ROBO1: variants seen among roughly 807,000 people sequenced by gnomAD.
The protein encoded by ROBO1 is roundabout homolog 1.
A neutral mutation model predicts 195.9 loss-of-function variants in ROBO1; 149 were observed. The ratio of observed to expected loss-of-function variants is 0.76; its 90% CI spans 0.67 to 0.87. The LOEUF (loss-of-function observed/expected upper bound fraction) is 0.87. Among genes scored for constraint, ROBO1 ranks in the 40% least tolerant of loss-of-function variants. The pLI is 0.00. For synonymous variants in ROBO1, 816 were observed against 733.2 expected (o/e 1.11, Z -1.82); for missense variants, 1,933 against 2,068.3 (o/e 0.93, Z 1.27).
At chr3:79,002,721 C>T (rs989537606) in intron 3 of ROBO1, among the ~76,000 whole-genome samples, 1 of 152,058 alleles carries the variant, frequency 6.6e-6, no homozygotes, top group Non-Finnish European at 1.5e-5. Flanking sequence ...TTAATACTTT[C>T]AATTTCATCT....
At chr3:78,807,712 C>A (rs1021493809) in intron 4 of ROBO1, among the ~76,000 whole-genome samples, 28 of 152,130 alleles carry the variant, frequency 1.8e-4, no homozygotes, top group African/African-American at 6.5e-4. Context: ...TGGTTGCATC[C>A]TTTTAACTTT....
At chr3:79,754,910 C>T (rs1704307844) in intron 1 of ROBO1, among the ~76,000 whole-genome samples, 1 of 152,096 alleles carries the variant, frequency 6.6e-6, no homozygotes, top group South Asian at 2.1e-4. Context: ...GATGGAGTTT[C>T]ACTCTTGTTG....
intron 3 of ROBO1, among the ~76,000 whole-genome samples, chr3:79,119,001 CT>C (rs2080065562): frequency 6.6e-6 from 1 of 152,070 alleles, no homozygotes; most frequent in African/African-American, 2.4e-5. Context: ...TCCTTCCCCA[CT>C]ATAAAAACTC....
At chr3:78,896,517 C>G (rs1020915587) in intron 4 of ROBO1, among the ~76,000 whole-genome samples, 2 of 151,932 alleles carry the variant, frequency 1.3e-5, no homozygotes, top group Non-Finnish European at 2.9e-5. Flanking sequence ...GATCCACCCC[C>G]TGCCCACAAA....
Position 79,123,993 on chromosome 3 carries a change from T to C in ROBO1, c.172+1463A>G, listed in dbSNP as rs569419757. 4.6e-4 allele frequency among the ~76,000 whole-genome samples: 70 copies of C among 152,208 alleles called. 1 individual carries two copies. Among genetic ancestry groups the C allele is most frequent in the Admixed American group, 1.9e-3 (29 of 15,286 alleles). On this transcript the variant is annotated intron_variant, in intron 3 of 30. Coordinates refer to ENST00000464233, the MANE Select transcript of ROBO1 (RefSeq NM_002941.4). Reference sequence around the variant, plus strand: ...ATAAAGAGCAAACTCTATTATTGTATCAAAACAATGCAGTTGTTTAGACTG... The same window carrying C: ...ATAAAGAGCAAACTCTATTATTGTACCAAAACAATGCAGTTGTTTAGACTG...
At chr3:79,516,095 T>A (rs995362272) in intron 2 of ROBO1, among the ~76,000 whole-genome samples, 2 of 152,042 alleles carry the variant, frequency 1.3e-5, no homozygotes, top group Non-Finnish European at 2.9e-5. Context: ...AAATGATCAA[T>A]GCATATGAAG....
chr3:79,437,800 A>G (rs537179900), intron 2 of ROBO1, among the ~76,000 whole-genome samples: 48 of 152,050 alleles, frequency 3.2e-4, no homozygotes, highest in Admixed American at 1.2e-3. Flanking sequence ...GGGAAGAGAC[A>G]TTCTATTCCT....
intron 2 of ROBO1, among the ~76,000 whole-genome samples, chr3:79,579,545 T>C (rs1943594781): frequency 6.6e-6 from 1 of 152,206 alleles, no homozygotes; most frequent in Admixed American, 6.5e-5. Context: ...GAGAGATTGG[T>C]CCGACTAATG....
intron 2 of ROBO1, among the ~76,000 whole-genome samples, chr3:79,559,591 T>C (rs972631122): frequency 2.6e-5 from 4 of 152,154 alleles, no homozygotes; most frequent in Admixed American, 6.6e-5. Flanking sequence ...AACACACTTG[T>C]CAAACACAGT....
chr3:79,349,017 A>G (rs1394423160), intron 2 of ROBO1, among the ~76,000 whole-genome samples: 3 of 152,224 alleles, frequency 2.0e-5, no homozygotes, highest in Non-Finnish European at 4.4e-5. Context: ...TTTGTCCAAC[A>G]ATCTAGTTAA....
chr3:78,961,947 T>G (rs558034524), intron 3 of ROBO1, among the ~76,000 whole-genome samples: 48 of 152,040 alleles, frequency 3.2e-4, no homozygotes, highest in African/African-American at 9.4e-4. Flanking sequence ...TTTTGTTTTT[T>G]TTTTTTACCT....
rs554380236 is a variant in ROBO1 at position 78,816,829 on chromosome 3, G to C, written c.500-69929C>G. ...AACAGATGAAGAGTCACTTCTTATG[G>C]ATAAGCAAAGGAAGTAGTTCCTTGA... On this transcript the variant is annotated intron_variant, in intron 4 of 30. Coordinates refer to ENST00000464233, the MANE Select transcript of ROBO1 (RefSeq NM_002941.4). 9.9e-5 allele frequency among the ~76,000 whole-genome samples: 15 copies of C among 152,234 alleles called. No homozygotes were observed. The East Asian group carries it at 1.4e-3, about 14-fold the overall frequency.
chr3:79,743,210 C>A (rs1703723092), intron 1 of ROBO1, among the ~76,000 whole-genome samples: 1 of 152,170 alleles, frequency 6.6e-6, no homozygotes, highest in Non-Finnish European at 1.5e-5. Flanking sequence ...GTATAGCCTA[C>A]CGCATAGCTG....
chr3:79,753,987 A>T (rs577972109), intron 1 of ROBO1, among the ~76,000 whole-genome samples: 1 of 152,194 alleles, frequency 6.6e-6, no homozygotes, highest in Non-Finnish European at 1.5e-5. Flanking sequence ...GAGACAGCCA[A>T]AAAGGACACT....
intron 2 of ROBO1, among the ~76,000 whole-genome samples, chr3:79,514,600 T>G (rs1940863499): frequency 6.6e-6 from 1 of 152,172 alleles, no homozygotes; most frequent in African/African-American, 2.4e-5. Context: ...TTTAATCCCT[T>G]TTGGAAAGTA....
intron 26 of ROBO1, among the ~76,000 whole-genome samples, chr3:78,625,532 G>C (rs1023598517): frequency 2.6e-5 from 4 of 152,146 alleles, no homozygotes; most frequent in African/African-American, 9.7e-5. Context: ...CAGGAGAAGG[G>C]ACTAGCCTGG....
intron 19 of ROBO1, 102 bp downstream of exon 19, chr3:78,651,630 A>T: frequency 3.2e-6 from 3 of 923,986 alleles, no homozygotes; most frequent in Non-Finnish European, 4.6e-6. Context: ...ATATTAAAAC[A>T]AGTTTTAGAG....
At chr3:79,330,629 A>G (rs2034403693) in intron 2 of ROBO1, among the ~76,000 whole-genome samples, 1 of 136,574 alleles carries the variant, frequency 7.3e-6, no homozygotes, top group Non-Finnish European at 1.5e-5. Context: ...CAAAGTTTGT[A>G]TGGCCTGCCA....
chr3:79,761,546 G>C (rs987772529), intron 1 of ROBO1, among the ~76,000 whole-genome samples: 1 of 152,058 alleles, frequency 6.6e-6, no homozygotes, highest in Non-Finnish European at 1.5e-5. Flanking sequence ...AATCAAACTT[G>C]TCATAATAAT....
Sources: allele counts gnomAD v4.1 joint callset (sites outside exome capture counted in the v4.1 genomes callset), GRCh38; gene constraint gnomAD v4.1.1; transcripts MANE v1.5; gene names NCBI Gene and HGNC (gene_info 2026-07-23, HGNC 2026-07-21).